USP47: variants seen among roughly 807,000 people sequenced by gnomAD.
The protein encoded by USP47 is ubiquitin specific peptidase 47.
Under a neutral mutation model 165.1 loss-of-function variants are expected in USP47, and 35 were observed. That is an observed-to-expected ratio of 0.21 (90% CI 0.16 to 0.28). The LOEUF is 0.28. Ranked by LOEUF, USP47 falls within the 10% of genes least tolerant of loss-of-function variation. The pLI, the probability that USP47 is intolerant of heterozygous loss-of-function variation, is 1.00. For synonymous variants in USP47, 531 were observed against 544.5 expected (o/e 0.98, Z 0.35); for missense variants, 1,277 against 1,607.4 (o/e 0.79, Z 3.52).
chr11:11,940,622 C>A, intron 19 of USP47, 74 bp downstream of exon 19: 1 of 1,485,716 alleles, frequency 6.7e-7, no homozygotes, highest in South Asian at 1.2e-5. Context: ...ATATTATAAG[C>A]CTGGCCTCCA....
chr11:11,860,838 G>C (rs1849339224), intron 1 of USP47, among the ~76,000 whole-genome samples: 1 of 152,168 alleles, frequency 6.6e-6, no homozygotes, highest in Non-Finnish European at 1.5e-5. Flanking sequence ...GCCAATACTA[G>C]AACAGCTATT....
intron 1 of USP47, among the ~76,000 whole-genome samples, chr11:11,844,797 G>C (rs1262958219): frequency 1.3e-5 from 2 of 151,930 alleles, no homozygotes; most frequent in African/African-American, 4.8e-5. Flanking sequence ...TTAGATGTGG[G>C]CATGTGTGCG....
chr11:11,955,608 G>A (rs543482977), intron 27 of USP47, among the ~76,000 whole-genome samples: 3 of 152,182 alleles, frequency 2.0e-5, no homozygotes, highest in Non-Finnish European at 2.9e-5. Context: ...AGTCATTGGA[G>A]CCTCACAAAT....
chr11:11,897,053 T>A lies in USP47; in HGVS notation c.497-544T>A, dbSNP rs74360700. Among the ~76,000 whole-genome samples, 4 of 150,372 alleles carry A rather than the reference T, an allele frequency of 2.7e-5. 1 individual carries two copies. Among genetic ancestry groups the A allele is most frequent in the East Asian group, 3.9e-4 (2 of 5,126 alleles). ...TGAAGTCACTCTGCATTACTTAGAG[T>A]CTCAGCTTTTGTGAGTTTGCATGTA... On this transcript the variant is annotated intron_variant, in intron 4 of 27. Transcript: ENST00000527733.
chr11:11,855,723 T>C (rs1187104736), intron 1 of USP47, among the ~76,000 whole-genome samples: 1 of 152,224 alleles, frequency 6.6e-6, no homozygotes, highest in Non-Finnish European at 1.5e-5. Context: ...TAAATACTTA[T>C]TTGTATTTAA....
intron 1 of USP47, among the ~76,000 whole-genome samples, chr11:11,870,628 G>C (rs1490859729): frequency 6.6e-6 from 1 of 152,058 alleles, no homozygotes; most frequent in African/African-American, 2.4e-5. Flanking sequence ...TTCTTGAAGG[G>C]CATTTCTGCT....
chr11:11,881,506 G>A (rs1275751489), intron 2 of USP47, among the ~76,000 whole-genome samples: 1 of 152,072 alleles, frequency 6.6e-6, no homozygotes, highest in East Asian at 1.9e-4. Context: ...TATCTCCACA[G>A]TAGTCTTCTC....
intron 1 of USP47, among the ~76,000 whole-genome samples, chr11:11,850,833 T>C (rs1373783913): frequency 6.6e-6 from 1 of 152,210 alleles, no homozygotes; most frequent in African/African-American, 2.4e-5. Context: ...GCCGGCAGAT[T>C]TGGTGTCTGG....
chr11:11,943,035 G>C lies in USP47; in HGVS notation c.3014G>C (p.Ser1005Thr). The C allele has an allele frequency of 6.2e-7, 1 of 1,613,546 alleles. No homozygotes were observed. The highest frequency in any genetic ancestry group is 8.5e-7 in the Non-Finnish European group (1 of 1,179,606). Reference protein sequence around the residue: ...TDSEYDESGKSRGEMQYMYFK... With the variant: ...TDSEYDESGKTRGEMQYMYFK... ...AGTGAATATGATGAGAGTGGCAAGAGTAGGGGAGAAATGCAGTACATGTAT... is the reference window on the plus strand; with the variant it reads ...AGTGAATATGATGAGAGTGGCAAGACTAGGGGAGAAATGCAGTACATGTAT... The change falls in exon 20 of 28, where the codon AGT becomes ACT. Residue 1005 changes from serine to threonine, a missense_variant. By Grantham distance (58) the Ser-to-Thr change is moderately conservative. This residue lies in a region of USP47 where 909 missense variants were observed against 1,068.1 expected (regional missense o/e 0.85). Transcript: ENST00000527733.
chr11:11,911,396 CTACAGA>C (rs778763460), intron 8 of USP47, among the ~76,000 whole-genome samples: 8 of 151,824 alleles, frequency 5.3e-5, no homozygotes, highest in Non-Finnish European at 1.2e-4. Context: ...AGGCATAAAC[CTACAGA>C]TCTGAGTAGC....
At chr11:11,850,447 T>C (rs1848663069) in intron 1 of USP47, among the ~76,000 whole-genome samples, 1 of 151,032 alleles carries the variant, frequency 6.6e-6, no homozygotes, top group Admixed American at 6.6e-5. Context: ...ATGGATGCAG[T>C]GTCTTATCTC....
intron 5 of USP47, among the ~76,000 whole-genome samples, chr11:11,901,771 C>T (rs1852241564): frequency 6.6e-6 from 1 of 151,820 alleles, no homozygotes; most frequent in South Asian, 2.1e-4. Flanking sequence ...CCAGCCTGGC[C>T]AACATGGTGA....
At position 11,949,958 on chromosome 11, in the gene USP47, A is replaced by T. The variant is rs530276932; in HGVS notation, c.3418A>T (p.Ile1140Phe). The T allele has an allele frequency of 3.5e-5, 56 of 1,613,090 alleles. No individual in the cohort carries two copies. In the South Asian group the frequency reaches 4.6e-4, roughly 13 times the overall value. Residue 1140 changes from isoleucine (I) to phenylalanine (F), a missense_variant, in exon 23 of 28, where the codon ATT becomes TTT. Transcript: ENST00000527733. ...TGTACGGCAATCAAAAGAGGAATTA[A>T]TTCCTCAGCTCAGGGAGCAATGTGG... Reference protein sequence around the residue: ...MTVRQSKEELIPQLREQCGLE... With the variant: ...MTVRQSKEELFPQLREQCGLE...
At chr11:11,931,828 A>G (rs1014358391) in intron 14 of USP47, among the ~76,000 whole-genome samples, 2 of 152,092 alleles carry the variant, frequency 1.3e-5, no homozygotes, top group African/African-American at 4.8e-5. Context: ...GTCCCTTTGA[A>G]TGCTTTGAGT....
chr11:11,885,788 T>C (rs928270859), intron 3 of USP47, among the ~76,000 whole-genome samples: 4 of 152,188 alleles, frequency 2.6e-5, no homozygotes, highest in Non-Finnish European at 5.9e-5. Flanking sequence ...CCCACTGGCT[T>C]GGAATTGGCT....
At chr11:11,920,558 G>C in intron 10 of USP47, 64 bp downstream of exon 10, 2 of 1,466,634 alleles carry the variant, frequency 1.4e-6, no homozygotes, top group Non-Finnish European at 1.8e-6. Context: ...GGTTTTGAAA[G>C]AGCTGTTTGA....
chr11:11,898,136 CGTGTGTGT>C (rs144672685), intron 5 of USP47, among the ~76,000 whole-genome samples: 1 of 94,038 alleles, frequency 1.1e-5, no homozygotes, highest in South Asian at 3.5e-4. Flanking sequence ...CGTGTGTGTG[CGTGTGTGT>C]GTGTGTGTTT....
intron 11 of USP47, among the ~76,000 whole-genome samples, chr11:11,927,914 AC>A (rs1854371046): frequency 6.6e-6 from 1 of 151,958 alleles, no homozygotes; most frequent in South Asian, 2.1e-4. Flanking sequence ...GCAATTGGGA[AC>A]CCTTACTCTG....
At chr11:11,889,144 A>G (rs1851354284) in intron 3 of USP47, among the ~76,000 whole-genome samples, 1 of 152,138 alleles carries the variant, frequency 6.6e-6, no homozygotes, top group Non-Finnish European at 1.5e-5. Context: ...CTGGCACAAA[A>G]TGAGAATGCC....
Sources: gnomAD v4.1 joint callset for allele counts (sites outside exome capture counted in the v4.1 genomes callset) on GRCh38, gnomAD v4.1.1 for gene constraint, gnomAD v4.1.1 regional missense constraint, MANE v1.5 for transcripts, NCBI Gene and HGNC (gene_info 2026-07-23, HGNC 2026-07-21) for gene names.